NLRC5: variants seen among roughly 807,000 people sequenced by gnomAD.
The protein encoded by NLRC5 is NLR family CARD domain containing 5.
NLRC5 carries 114 observed loss-of-function variants against 206.9 expected under a neutral mutation model. That is an observed-to-expected ratio of 0.55 (90% CI 0.47 to 0.64). The LOEUF (loss-of-function observed/expected upper bound fraction) is 0.64, where lower values mean the gene tolerates loss of function less well. Ranked by LOEUF, NLRC5 falls within the 30% of genes least tolerant of loss-of-function variation. NLRC5 has a pLI of 0.00. For missense variants in NLRC5, 2,008 were observed against 2,305.5 expected (o/e 0.87, Z 2.64); for synonymous variants, 952 against 962.8 (o/e 0.99, Z 0.21).
At chr16:57,013,857 A>G (rs570198357) in intron 1 of NLRC5, 17 of 659,334 alleles carry the variant, frequency 2.6e-5, no homozygotes, top group South Asian at 1.7e-4. Flanking sequence ...TTCTTTTTCA[A>G]AAATGGCAAG....
chr16:57,019,088 A>G (rs1410433034), intron 2 of NLRC5, among the ~76,000 whole-genome samples: 1 of 152,162 alleles, frequency 6.6e-6, no homozygotes, highest in East Asian at 1.9e-4. Flanking sequence ...TACTTCTAGA[A>G]GGAGGTGGTT....
chr16:57,002,908 G>A (rs567807444), intron 1 of NLRC5, among the ~76,000 whole-genome samples: 2 of 152,260 alleles, frequency 1.3e-5, no homozygotes, highest in South Asian at 4.1e-4. Flanking sequence ...CTCCCAAAGT[G>A]CTGGGATTAT....
chr16:57,068,432 G>GAA (rs36035686), intron 36 of NLRC5, among the ~76,000 whole-genome samples: 274 of 136,800 alleles, frequency 2.0e-3, no homozygotes, highest in East Asian at 0.015. Flanking sequence ...CTCGGTTTCC[G>GAA]AAAAAAAAAA....
rs191885011 is a variant in NLRC5, at chr16:56,999,636, C to T, written c.-128+10019C>T. ...CTGGCAGAGCCACAGAGTTGGGGCACGAGGTGCCAAGAAACAGCTCCCAGT... is the reference window on the plus strand; with the variant it reads ...CTGGCAGAGCCACAGAGTTGGGGCATGAGGTGCCAAGAAACAGCTCCCAGT... On this transcript the variant is annotated intron_variant, in intron 1 of 48. Coordinates refer to ENST00000688547, the MANE Select transcript of NLRC5 (RefSeq NM_001384950.1). Among the ~76,000 whole-genome samples the T allele has an allele frequency of 3.7e-3, 571 of 152,366 alleles. 12 individuals are homozygous for T. The highest frequency in any genetic ancestry group is 0.027 in the Middle Eastern group (8 of 294).
Position 57,026,656 on chromosome 16 carries a change from C to T in NLRC5, c.1713C>T (p.Cys571=), listed in dbSNP as rs200890113. Residue 571 remains cysteine, a synonymous_variant, in exon 6 of 49, where the codon TGC becomes TGT. Coordinates refer to ENST00000688547, the MANE Select transcript of NLRC5 (RefSeq NM_001384950.1). ...LPTFLAGLAS[C]TCRPFLSHLA... ...CCTTCCTGGCGGGCCTGGCATCCTG[C>T]ACCTGCCGCCCCTTCCTTAGCCACC... 17 of 1,614,174 alleles carry T rather than the reference C, an allele frequency of 1.1e-5. No individual in the cohort carries two copies. The highest frequency in any genetic ancestry group is 6.7e-5 in the East Asian group (3 of 44,884).
intron 23 of NLRC5, among the ~76,000 whole-genome samples, chr16:57,049,424 C>T (rs1042809392): frequency 3.9e-5 from 6 of 152,158 alleles, no homozygotes; most frequent in African/African-American, 7.2e-5. Context: ...AAATCATCTG[C>T]AGAGGAAGCT....
At chr16:57,078,861 A>G (rs376680917) in intron 43 of NLRC5, among the ~76,000 whole-genome samples, 189 bp from the exon 44 acceptor site, 3 of 152,084 alleles carry the variant, frequency 2.0e-5, no homozygotes, top group East Asian at 1.9e-4. Context: ...TACACGAAGG[A>G]CCCAGGTGTT....
chr16:57,061,453 G>C lies in NLRC5; in HGVS notation c.3992G>C (p.Ser1331Thr). The C allele has an allele frequency of 6.2e-7, 1 of 1,611,268 alleles. No individual in the cohort carries two copies. Among genetic ancestry groups the C allele is most frequent in the Non-Finnish European group, 8.5e-7 (1 of 1,179,986 alleles). Residue 1331 changes from serine (S) to threonine (T), a missense_variant, in exon 31 of 49, where the codon AGT becomes ACT. Coordinates refer to ENST00000688547, the MANE Select transcript of NLRC5 (RefSeq NM_001384950.1). ...CCCTGGCTTTCTGCCCTCAGGCTAAGTGAGTGCAGCTTCCGGCCAGAGCAC... is the reference window on the plus strand; with the variant it reads ...CCCTGGCTTTCTGCCCTCAGGCTAACTGAGTGCAGCTTCCGGCCAGAGCAC... ...EDQAGKTLRL[S>T]ECSFRPEHVS...
At chr16:57,017,920 G>T (rs2060253919) in intron 2 of NLRC5, among the ~76,000 whole-genome samples, 1 of 152,206 alleles carries the variant, frequency 6.6e-6, no homozygotes, top group Non-Finnish European at 1.5e-5. Flanking sequence ...ATCGTCCTCT[G>T]TCTCCAAGAT....
In NLRC5 at chr16:57,075,005, C is replaced by CTTTTTTTTTTT. The variant is rs77796033; in HGVS notation, c.4751+354_4751+364dup. ...GGTCTGGAATTCTGCCTAGACTGTG[C>CTTTTTTTTTTT]TTTTTTTTTTTTTTTTTTTTTTTTT... On this transcript the variant is annotated intron_variant, in intron 39 of 48. Coordinates refer to ENST00000688547, the MANE Select transcript of NLRC5 (RefSeq NM_001384950.1). Among the ~76,000 whole-genome samples, 20 of 58,106 alleles carry CTTTTTTTTTTT rather than the reference C, an allele frequency of 3.4e-4. 6 individuals are homozygous for CTTTTTTTTTTT. Among genetic ancestry groups the CTTTTTTTTTTT allele is most frequent in the African/African-American group, 5.6e-4 (8 of 14,294 alleles). The allele number at this position is 58,106 out of a possible 152,430, so 38.1% of individuals were successfully genotyped here. A position where few individuals can be genotyped will look rare whatever the true frequency, so the allele number is the denominator to read the frequency against.
In NLRC5 at chr16:57,042,073, GC is replaced by G. The variant is rs2063346830; in HGVS notation, c.3113+11del. 4 of 1,508,416 alleles carry G rather than the reference GC, an allele frequency of 2.7e-6. No individual in the cohort carries two copies. The highest frequency in any genetic ancestry group is 3.5e-6 in the Non-Finnish European group (4 of 1,128,876). The allele number at this position is 1,508,416 out of a possible 1,614,324, so 93.4% of individuals were successfully genotyped here. A position where few individuals can be genotyped will look rare whatever the true frequency, so the allele number is the denominator to read the frequency against. On this transcript the variant is annotated intron_variant, in intron 19 of 48. Transcript: ENST00000688547. Reference sequence around the variant, plus strand: ...AGCTCTGCAGTCCTTGAAGTGAGTAGCCCGCTAGGCAGAGCCTCTGAGGCTG... The same window carrying G: ...AGCTCTGCAGTCCTTGAAGTGAGTAGCCGCTAGGCAGAGCCTCTGAGGCTG...
At chr16:57,049,737 T>TAAAG (rs2064588894) in intron 23 of NLRC5, among the ~76,000 whole-genome samples, 1 of 106,806 alleles carries the variant, frequency 9.4e-6, no homozygotes, top group South Asian at 2.5e-4. Flanking sequence ...CTGTCTCAAA[T>TAAAG]AAATAAATAA....
In NLRC5 at chr16:57,029,870, C is replaced by T. The variant is rs2061610826; in HGVS notation, c.2327+14C>T. Reference sequence around the variant, plus strand: ...CCGGAAGCTTGAGTAAGTGATCTTTCCACTGCCTCTGCAGCCCAGTCCCTC... The same window carrying T: ...CCGGAAGCTTGAGTAAGTGATCTTTTCACTGCCTCTGCAGCCCAGTCCCTC... On this transcript the variant is annotated intron_variant, in intron 9 of 48. Transcript: ENST00000688547. The T allele has an allele frequency of 6.2e-7, 1 of 1,612,706 alleles. No homozygotes were observed. Among genetic ancestry groups the T allele is most frequent in the African/African-American group, 1.3e-5 (1 of 74,900 alleles).
intron 19 of NLRC5, among the ~76,000 whole-genome samples, chr16:57,042,396 G>A (rs1390119248): frequency 3.3e-5 from 5 of 152,110 alleles, no homozygotes; most frequent in Non-Finnish European, 5.9e-5. Flanking sequence ...TGGCCCTGGG[G>A]TGCCGGGAGG....
chr16:57,022,848 A>T (rs899641643), intron 4 of NLRC5, among the ~76,000 whole-genome samples: 1 of 152,264 alleles, frequency 6.6e-6, no homozygotes, highest in African/African-American at 2.4e-5. Flanking sequence ...CATTGACTTT[A>T]CTTATCGCTG....
intron 20 of NLRC5, 113 bp downstream of exon 20, chr16:57,043,717 C>T: frequency 4.9e-6 from 4 of 820,476 alleles, no homozygotes; most frequent in Non-Finnish European, 2.2e-6. Context: ...ATCCTCAGCA[C>T]CTTGGGCAGT....
chr16:57,051,393 G>T, intron 23 of NLRC5, 145 bp from the exon 24 acceptor site: 1 of 666,858 alleles, frequency 1.5e-6, no homozygotes. Flanking sequence ...CCAGCCTCAC[G>T]GATAACCCAT....
In NLRC5 at chr16:57,066,595, C is replaced by T. The variant is rs1326126608; in HGVS notation, c.4303C>T (p.Pro1435Ser). Residue 1435 changes from proline (P) to serine (S), a missense_variant, in exon 34 of 49, where the codon CCA (proline) becomes TCA (serine). Pro to Ser is a moderately conservative substitution (Grantham distance 74). Coordinates refer to ENST00000688547, the MANE Select transcript of NLRC5 (RefSeq NM_001384950.1). The part of the protein sequence containing the change: ...QLEFPRQEEN[P>S]EAVALRLAHC... Reference sequence around the variant, plus strand: ...GGAATTTCCTCGCCAGGAAGAGAATCCAGAAGCTGTGGCACTCAGGTGGGA... The same window carrying T: ...GGAATTTCCTCGCCAGGAAGAGAATTCAGAAGCTGTGGCACTCAGGTGGGA... The T allele has an allele frequency of 6.2e-7, 1 of 1,613,886 alleles. No individual in the cohort carries two copies. The highest frequency in any genetic ancestry group is 1.3e-5 in the African/African-American group (1 of 74,912).
In NLRC5 at chr16:57,059,463, G is replaced by T; in HGVS notation, c.3921-4G>T. 6.2e-7 allele frequency: 1 copy of T among 1,605,994 alleles called. No homozygotes were observed. Among genetic ancestry groups the T allele is most frequent in the Non-Finnish European group, 8.5e-7 (1 of 1,176,212 alleles). On this transcript the variant is annotated splice_polypyrimidine_tract_variant and splice_region_variant and intron_variant, in intron 29 of 48. Transcript: ENST00000688547. The stretch of plus-strand genomic sequence containing the variant: ...CGTGCTTCCCCAGGCCCTTCTCTCT[G>T]CAGCCTGGGCTCTGAGCAGAGCTTC...
Sources: allele counts gnomAD v4.1 joint callset (sites outside exome capture counted in the v4.1 genomes callset), GRCh38; gene constraint gnomAD v4.1.1; transcripts MANE v1.5; gene names NCBI Gene and HGNC (gene_info 2026-07-23, HGNC 2026-07-21).